Variants in RNF150 observed in about 807,000 individuals in gnomAD.
RNF150 encodes ring finger protein 150.
In RNF150, 24 loss-of-function variants were observed where a neutral mutation model predicts 39.3. The observed-to-expected ratio is 0.61, with a 90% CI of 0.44 to 0.86. The LOEUF (loss-of-function observed/expected upper bound fraction) is 0.86. RNF150 is among the 40% of genes least tolerant of loss of function. The pLI is 0.00. For missense variants in RNF150, 502 were observed against 587.8 expected, an observed-to-expected ratio of 0.85 and a Z score of 1.51; for synonymous variants, 255 against 227.3, an observed-to-expected ratio of 1.12 and a Z score of -1.10.
At chr4:140,882,840 AGTT>A in intron 6 of RNF150, among the ~76,000 whole-genome samples, 1 of 152,192 alleles carries the variant, frequency 6.6e-6, no homozygotes, top group South Asian at 2.1e-4. Flanking sequence ...GACGGCATAT[AGTT>A]ACCTTTTGTT....
intron 4 of RNF150, among the ~76,000 whole-genome samples, chr4:140,935,842 G>C (rs757039061): frequency 2.0e-5 from 3 of 152,068 alleles, no homozygotes; most frequent in Non-Finnish European, 4.4e-5. Context: ...AAGTGAGCTT[G>C]ATGATTTCTT....
intron 1 of RNF150, among the ~76,000 whole-genome samples, chr4:140,974,616 C>T (rs900247905): frequency 6.6e-6 from 1 of 152,112 alleles, no homozygotes; most frequent in African/African-American, 2.4e-5. Flanking sequence ...TACATTCCCA[C>T]CAGCAATGTA....
intron 1 of RNF150, among the ~76,000 whole-genome samples, chr4:141,207,579 A>G (rs982148989): frequency 6.6e-6 from 1 of 152,078 alleles, no homozygotes; most frequent in Non-Finnish European, 1.5e-5. Context: ...CAATCCACCT[A>G]TATGAACTTC....
chr4:140,939,798 A>G (rs372607143), intron 4 of RNF150, among the ~76,000 whole-genome samples: 1 of 152,318 alleles, frequency 6.6e-6, no homozygotes, highest in South Asian at 2.1e-4. Context: ...AAATGCAAAC[A>G]AATACATATG....
intron 4 of RNF150, among the ~76,000 whole-genome samples, chr4:140,935,057 T>A (rs374106596): frequency 0.011 from 376 of 33,744 alleles, 2 homozygotes; most frequent in Middle Eastern, 0.052. Context: ...ATATATATAT[T>A]ATATATATAT....
At chr4:141,123,763 C>T (rs926913795) in intron 1 of RNF150, among the ~76,000 whole-genome samples, 3 of 152,146 alleles carry the variant, frequency 2.0e-5, no homozygotes, top group Non-Finnish European at 4.4e-5. Flanking sequence ...CAAGTGTTCT[C>T]ATTGTTCAAT....
At chr4:140,931,798 A>G (rs1277077523) in intron 4 of RNF150, among the ~76,000 whole-genome samples, 1 of 152,280 alleles carries the variant, frequency 6.6e-6, no homozygotes, top group Non-Finnish European at 1.5e-5. Flanking sequence ...GAGGATGCAG[A>G]CAACTGCATA....
chr4:141,082,195 A>G (rs1738176841), intron 1 of RNF150, among the ~76,000 whole-genome samples: 1 of 152,224 alleles, frequency 6.6e-6, no homozygotes, highest in Non-Finnish European at 1.5e-5. Context: ...GTAGTTATAC[A>G]TATTATTGGC....
At chr4:140,887,374 T>G (rs755508692) in intron 6 of RNF150, among the ~76,000 whole-genome samples, 18 of 152,226 alleles carry the variant, frequency 1.2e-4, no homozygotes, top group Non-Finnish European at 2.4e-4. Flanking sequence ...CTATACGCTA[T>G]GCCAGATAAT....
At chr4:140,947,944 T>C (rs899199136) in intron 3 of RNF150, among the ~76,000 whole-genome samples, 2 of 152,224 alleles carry the variant, frequency 1.3e-5, no homozygotes, top group African/African-American at 4.8e-5. Context: ...CAAGTGCTTT[T>C]GTAAGGAAAA....
At chr4:140,948,516 C>G (rs904830352) in intron 3 of RNF150, among the ~76,000 whole-genome samples, 1 of 152,278 alleles carries the variant, frequency 6.6e-6, no homozygotes, top group African/African-American at 2.4e-5. Context: ...GTTTTCCCTC[C>G]TCAAGACATA....
intron 1 of RNF150, among the ~76,000 whole-genome samples, chr4:141,027,912 G>GTTTTTTTTTGTTTTTTTTTTTTTTTTTT (rs1735767346): frequency 3.7e-5 from 1 of 27,102 alleles, no homozygotes; most frequent in African/African-American, 1.1e-4. Flanking sequence ...CTTGGAATTT[G>GTTTTTTTTTGTTTTTTTTTTTTTTTTTT]TTTTTTTTTT....
intron 6 of RNF150, among the ~76,000 whole-genome samples, chr4:140,871,002 C>CTA (rs762860233): frequency 4.8e-4 from 70 of 144,382 alleles, no homozygotes; most frequent in East Asian, 2.4e-3. Context: ...CTCTCTCTCT[C>CTA]TATATATATA....
chr4:141,033,246 T>C (rs1184689512), intron 1 of RNF150, among the ~76,000 whole-genome samples: 1 of 152,218 alleles, frequency 6.6e-6, no homozygotes, highest in Non-Finnish European at 1.5e-5. Context: ...CACATTATCT[T>C]CACCAGGAGC....
chr4:141,075,950 A>G (rs919102638), intron 1 of RNF150, among the ~76,000 whole-genome samples: 21 of 152,224 alleles, frequency 1.4e-4, no homozygotes, highest in Non-Finnish European at 2.4e-4. Context: ...TAGTGAAATA[A>G]AATAAAAATA....
intron 1 of RNF150, among the ~76,000 whole-genome samples, chr4:140,969,503 T>C (rs377051050): frequency 6.6e-6 from 1 of 152,124 alleles, no homozygotes; most frequent in Non-Finnish European, 1.5e-5. Context: ...GGCTGCTGGC[T>C]GGTTTTGTCT....
chr4:140,869,961 C>T (rs374373705), intron 6 of RNF150, among the ~76,000 whole-genome samples: 1 of 152,124 alleles, frequency 6.6e-6, no homozygotes, highest in African/African-American at 2.4e-5. Flanking sequence ...AAAAAACCAA[C>T]AAAAATGTAT....
rs567004463 is a variant in RNF150, at chr4:141,033,371, T to C, written c.485-65498A>G. On this transcript the variant is annotated intron_variant, in intron 1 of 6. Coordinates refer to ENST00000515673, the MANE Select transcript of RNF150 (RefSeq NM_020724.2). ...CAGTTACATCTTTAGACTCCACTTATAATTCTAGTTCTCTTGCTATTTCCA... is the reference window on the plus strand; with the variant it reads ...CAGTTACATCTTTAGACTCCACTTACAATTCTAGTTCTCTTGCTATTTCCA... Among the ~76,000 whole-genome samples the C allele has an allele frequency of 4.6e-5, 7 of 152,338 alleles. No homozygotes were observed. In the South Asian group the frequency reaches 1.5e-3, roughly 32 times the overall value.
chr4:141,004,930 A>G (rs73860226), intron 1 of RNF150, among the ~76,000 whole-genome samples: 11,065 of 152,290 alleles, frequency 0.073, 453 homozygotes, highest in Middle Eastern at 0.16. Flanking sequence ...GAGAAGTTCA[A>G]TTAAGAGATT....
Sources: gnomAD v4.1 joint callset for allele counts (sites outside exome capture counted in the v4.1 genomes callset) on GRCh38, gnomAD v4.1.1 for gene constraint, MANE v1.5 for transcripts, NCBI Gene and HGNC (gene_info 2026-07-23, HGNC 2026-07-21) for gene names.